Variants in KIF6 observed in about 807,000 individuals in gnomAD.
The protein encoded by KIF6 is kinesin-like protein KIF6.
In KIF6, 106 loss-of-function variants were observed where a neutral mutation model predicts 112.7. The observed-to-expected ratio is 0.94, with a 90% CI of 0.80 to 1.11. The LOEUF (loss-of-function observed/expected upper bound fraction) is 1.11. Among genes scored for constraint, KIF6 ranks in the 50% least tolerant of loss-of-function variants. The probability of loss-of-function intolerance (pLI) is 0.00; values close to 1 mark genes in which losing one functional copy is unlikely to be tolerated. For missense variants in KIF6, 929 were observed against 964.0 expected (o/e 0.96, Z 0.48); for synonymous variants, 339 against 339.9 (o/e 1.00, Z 0.03).
chr6:39,365,636 AAAAG>A (rs1451982878), intron 16 of KIF6, among the ~76,000 whole-genome samples: 1 of 152,230 alleles, frequency 6.6e-6, no homozygotes, highest in African/African-American at 2.4e-5. Flanking sequence ...TTCCTTTTTA[AAAAG>A]TTTCAGAAAT....
At chr6:39,422,019 A>C (rs1296951929) in intron 14 of KIF6, among the ~76,000 whole-genome samples, 1 of 152,112 alleles carries the variant, frequency 6.6e-6, no homozygotes, top group Non-Finnish European at 1.5e-5. Context: ...GATTCATAGG[A>C]TCTGACAGTC....
At chr6:39,496,603 C>G (rs2235817) in intron 13 of KIF6, among the ~76,000 whole-genome samples, 6,402 of 152,088 alleles carry the variant, frequency 0.042, 267 homozygotes, top group East Asian at 0.24. Context: ...CTGAGATGGT[C>G]GTAGGGTAAG....
In KIF6 at chr6:39,333,321, T is replaced by G. The variant is rs1348305790; in HGVS notation, c.*3211A>C. 6.6e-6 allele frequency: 1 copy of G among 152,228 alleles called. No homozygotes were observed. Among genetic ancestry groups the G allele is most frequent in the Non-Finnish European group, 1.5e-5 (1 of 68,050 alleles). The allele number at this position is 152,228 out of a possible 1,614,324, so 9.4% of individuals were successfully genotyped here. ...CAATTAATGCTATATAACAAACCAC[T>G]CTAAACCTCAGTGGTTTATGACAAG... is the stretch of plus-strand genomic sequence containing the variant. On this transcript the variant is annotated 3_prime_UTR_variant, in exon 23 of 23. Coordinates refer to ENST00000287152, the MANE Select transcript of KIF6 (RefSeq NM_145027.6).
intron 5 of KIF6, among the ~76,000 whole-genome samples, chr6:39,633,175 G>A (rs887529039): frequency 1.3e-5 from 2 of 152,030 alleles, no homozygotes; most frequent in African/African-American, 4.8e-5. Flanking sequence ...AATTATTTGT[G>A]GAATTGAAAC....
chr6:39,725,300 T>G lies in KIF6; in HGVS notation c.11A>C (p.Gln4Pro), dbSNP rs775434376. ...CACCCTCGCGAATATCTGGATAGTCTGCTTCACCATCTCCTCCCTGGCTCT... is the reference window on the plus strand; with the variant it reads ...CACCCTCGCGAATATCTGGATAGTCGGCTTCACCATCTCCTCCCTGGCTCT... Reference protein sequence around the residue: MVKQTIQIFARVKP... With the variant: MVKPTIQIFARVKP... The change falls in exon 1 of 23, where the codon CAG (glutamine) becomes CCG (proline). Residue 4 changes from glutamine to proline, a missense_variant. Transcript: ENST00000287152. 2.5e-6 allele frequency: 4 copies of G among 1,610,090 alleles called. No individual in the cohort carries two copies. The highest frequency in any genetic ancestry group is 2.3e-5 in the East Asian group (1 of 44,424).
At chr6:39,710,083 A>G (rs1246018014) in intron 3 of KIF6, among the ~76,000 whole-genome samples, 1 of 152,208 alleles carries the variant, frequency 6.6e-6, no homozygotes, top group Non-Finnish European at 1.5e-5. Flanking sequence ...AAATAAGTCA[A>G]TTTGCTTAAC....
In KIF6 at chr6:39,545,633, C is replaced by G. The variant is rs770657312; in HGVS notation, c.1237G>C (p.Glu413Gln). 3 of 1,613,872 alleles carry G rather than the reference C, an allele frequency of 1.9e-6. No homozygotes were observed. Among genetic ancestry groups the G allele is most frequent in the Non-Finnish European group, 2.5e-6 (3 of 1,179,822 alleles). ...LEDQDSDSRL[E>Q]VGADMRKVHH... ...ACTTTACGCATATCCGCGCCAACCTCTAATCTACTGTCTGAATCCTGGTCT... is the reference window on the plus strand; with the variant it reads ...ACTTTACGCATATCCGCGCCAACCTGTAATCTACTGTCTGAATCCTGGTCT... The change falls in exon 11 of 23, where the codon GAG becomes CAG. Residue 413 changes from glutamate to glutamine, a missense_variant. Physicochemically the swap from Glu to Gln is conservative, Grantham distance 29 (BLOSUM62 2). This residue lies in a region of KIF6 where 688 missense variants were observed against 662.7 expected (regional missense o/e 1.04). Coordinates refer to ENST00000287152, the MANE Select transcript of KIF6 (RefSeq NM_145027.6).
At chr6:39,344,537 A>C (rs1183776921) in intron 21 of KIF6, among the ~76,000 whole-genome samples, 1 of 152,072 alleles carries the variant, frequency 6.6e-6, no homozygotes, top group Non-Finnish European at 1.5e-5. Context: ...TTCCAGCCTC[A>C]GGGCCTTTGC....
In KIF6 at chr6:39,613,304, A is replaced by T; in HGVS notation, c.524T>A (p.Leu175Gln). 1.9e-6 allele frequency: 3 copies of T among 1,589,980 alleles called. No homozygotes were observed. Among genetic ancestry groups the T allele is most frequent in the Non-Finnish European group, 8.5e-7 (1 of 1,170,306 alleles). ...SLEDLPKVTI[L>Q]EDPDQNIHLK... Reference sequence around the variant, plus strand: ...GTGAATGTTCTGATCAGGATCCTCCAGTATTGTCACTTTCCTAAGCAAATG... The same window carrying T: ...GTGAATGTTCTGATCAGGATCCTCCTGTATTGTCACTTTCCTAAGCAAATG... Residue 175 changes from leucine to glutamine, a missense_variant, in exon 6 of 23, where the codon CTG (leucine) becomes CAG (glutamine). Coordinates refer to ENST00000287152, the MANE Select transcript of KIF6 (RefSeq NM_145027.6).
At chr6:39,453,371 T>A (rs1772829394) in intron 13 of KIF6, among the ~76,000 whole-genome samples, 1 of 152,230 alleles carries the variant, frequency 6.6e-6, no homozygotes. Context: ...TTTTCTGGAA[T>A]GGTTTGAGAT....
At chr6:39,656,752 G>T (rs1347789091) in intron 3 of KIF6, among the ~76,000 whole-genome samples, 1 of 152,096 alleles carries the variant, frequency 6.6e-6, no homozygotes, top group Non-Finnish European at 1.5e-5. Flanking sequence ...ACATTCATTT[G>T]CATGGAGAAC....
intron 4 of KIF6, among the ~76,000 whole-genome samples, chr6:39,637,640 T>C (rs186700985): frequency 9.5e-4 from 144 of 152,102 alleles, no homozygotes; most frequent in African/African-American, 3.3e-3. Flanking sequence ...GAGAGCTCCA[T>C]GTACCTCTCT....
At chr6:39,525,628 A>G (rs906751734) in intron 13 of KIF6, among the ~76,000 whole-genome samples, 6 of 151,754 alleles carry the variant, frequency 4.0e-5, no homozygotes, top group Non-Finnish European at 8.8e-5. Flanking sequence ...GGTGGTGGGT[A>G]CCTATAATCC....
At chr6:39,694,680 A>G (rs1487095243) in intron 3 of KIF6, among the ~76,000 whole-genome samples, 1 of 152,172 alleles carries the variant, frequency 6.6e-6, no homozygotes, top group East Asian at 1.9e-4. Context: ...ATACAAACAA[A>G]TGGAAAAGTA....
intron 13 of KIF6, among the ~76,000 whole-genome samples, chr6:39,460,536 T>TAAAAAAAAA (rs759528125): frequency 7.0e-5 from 4 of 57,078 alleles, no homozygotes; most frequent in Non-Finnish European, 9.5e-5. Flanking sequence ...AAAAAAAAAG[T>TAAAAAAAAA]AAAAAAAAAA....
chr6:39,330,194 C>T lies in KIF6; in HGVS notation c.*6338G>A, dbSNP rs1762691733. ...GGAACCAGGGACTGACTAGGAAGCCCTAAAACAGCTTCATAGGCATAAGTC... is the reference window on the plus strand; with the variant it reads ...GGAACCAGGGACTGACTAGGAAGCCTTAAAACAGCTTCATAGGCATAAGTC... On this transcript the variant is annotated 3_prime_UTR_variant, in exon 23 of 23. Coordinates refer to ENST00000287152, the MANE Select transcript of KIF6 (RefSeq NM_145027.6). The T allele has an allele frequency of 6.6e-6, 1 of 152,224 alleles. No individual in the cohort carries two copies. The highest frequency in any genetic ancestry group is 1.9e-4 in the East Asian group (1 of 5,168). 9.4% of individuals were successfully genotyped at this position (152,224 alleles called of 1,614,324 possible).
At chr6:39,441,401 C>T (rs908572690) in intron 13 of KIF6, among the ~76,000 whole-genome samples, 1 of 152,174 alleles carries the variant, frequency 6.6e-6, no homozygotes, top group Non-Finnish European at 1.5e-5. Context: ...CTGGTCCCAT[C>T]GCTTTAGGAA....
chr6:39,456,869 A>G (rs1773150143), intron 13 of KIF6, among the ~76,000 whole-genome samples: 2 of 150,826 alleles, frequency 1.3e-5, no homozygotes, highest in Admixed American at 1.3e-4. Flanking sequence ...AGATTCATAA[A>G]GCAAGTCCTG....
rs1298391030 is a variant in KIF6, at chr6:39,342,904, T to G, written c.2428+805A>C. The G allele has an allele frequency of 3.0e-6, 3 of 985,216 alleles. No individual in the cohort carries two copies. The highest frequency in any genetic ancestry group is 1.7e-5 in the African/African-American group (1 of 57,200). The allele number at this position is 985,216 out of a possible 1,614,324, so 61.0% of individuals were successfully genotyped here. A position where few individuals can be genotyped will look rare whatever the true frequency, so the allele number is the denominator to read the frequency against. On this transcript the variant is annotated intron_variant, in intron 22 of 22. Coordinates refer to ENST00000287152, the MANE Select transcript of KIF6 (RefSeq NM_145027.6). This position sits in a 1 kb window ranked among gnomAD's most constrained non-coding sequence, Gnocchi z 4.7. ...GCAGGCGCCACAGGGCAGGCATCAG[T>G]CATTATACATCGAATCTGCCAGCCC...
Sources: allele counts gnomAD v4.1 joint callset (sites outside exome capture counted in the v4.1 genomes callset), GRCh38; gene constraint gnomAD v4.1.1; regional missense constraint gnomAD v4.1.1; non-coding constraint Gnocchi (gnomAD v3.1); transcripts MANE v1.5; gene names NCBI Gene and HGNC (gene_info 2026-07-23, HGNC 2026-07-21).